Variants in PRELID2 observed in about 807,000 individuals in gnomAD.
The protein encoded by PRELID2 is PRELI domain-containing protein 2.
In PRELID2, 25 loss-of-function variants were observed where a neutral mutation model predicts 28.4. That is an observed-to-expected ratio of 0.88 (90% CI 0.64 to 1.23). PRELID2 has a LOEUF of 1.23. Ranked by LOEUF, PRELID2 falls within the 50% of genes most tolerant of loss-of-function variation. The pLI, the probability that PRELID2 is intolerant of heterozygous loss-of-function variation, is 0.00. For missense variants in PRELID2, 201 were observed against 214.4 expected, an observed-to-expected ratio of 0.94 and a Z score of 0.39; for synonymous variants, 76 against 71.6, an observed-to-expected ratio of 1.06 and a Z score of -0.31.
chr5:145,230,101 C>T, the PRELID2 span: 14 of 618,666 alleles, frequency 2.3e-5, no homozygotes, highest in African/African-American at 2.5e-4. Flanking sequence ...TGCAGATCCC[C>T]CAAGTACAGG....
chr5:145,403,053 C>G, the PRELID2 span, among the ~76,000 whole-genome samples: 2 of 152,274 alleles, frequency 1.3e-5, no homozygotes, highest in East Asian at 3.9e-4. Flanking sequence ...CCCACACATG[C>G]TCTTTTTAAT....
At chr5:145,825,832 T>G (rs1462247799) in intron 1 of PRELID2, among the ~76,000 whole-genome samples, 1 of 152,234 alleles carries the variant, frequency 6.6e-6, no homozygotes, top group Admixed American at 6.5e-5. Flanking sequence ...CTTTAAAGAT[T>G]TATTGAACTG....
chr5:145,695,314 G>A (rs1048114295), intron 1 of PRELID2, among the ~76,000 whole-genome samples: 4 of 152,266 alleles, frequency 2.6e-5, no homozygotes, highest in African/African-American at 4.8e-5. Context: ...AAGAACGTGC[G>A]CAAAAGCCCT....
At chr5:145,693,912 G>C (rs182756269) in intron 1 of PRELID2, among the ~76,000 whole-genome samples, 1 of 152,246 alleles carries the variant, frequency 6.6e-6, no homozygotes, top group Admixed American at 6.5e-5. Flanking sequence ...GATAGGGAGG[G>C]AGCAAATCAC....
At chr5:145,332,306 T>C in the PRELID2 span, among the ~76,000 whole-genome samples, 149 of 152,310 alleles carry the variant, frequency 9.8e-4, no homozygotes, top group African/African-American at 3.2e-3. Flanking sequence ...AATTTGAATG[T>C]TGGTCTGTCT....
intron 1 of PRELID2, among the ~76,000 whole-genome samples, chr5:145,601,305 T>C (rs1343974191): frequency 6.6e-6 from 1 of 152,044 alleles, no homozygotes; most frequent in Non-Finnish European, 1.5e-5. Flanking sequence ...TTGCTTAGCC[T>C]GAAATACAGA....
intron 1 of PRELID2, among the ~76,000 whole-genome samples, chr5:145,644,611 C>T (rs897802583): frequency 2.6e-5 from 4 of 151,848 alleles, no homozygotes; most frequent in Non-Finnish European, 4.4e-5. Context: ...GATGTTAGGG[C>T]GTCAATTTTA....
At chr5:145,625,342 T>A (rs75954821) in intron 1 of PRELID2, among the ~76,000 whole-genome samples, 10,763 of 152,070 alleles carry the variant, frequency 0.071, 584 homozygotes, top group Admixed American at 0.18. Context: ...ATAAATAAAT[T>A]ATTTACTACA....
chr5:145,688,071 C>T (rs1755070712), intron 1 of PRELID2, among the ~76,000 whole-genome samples: 1 of 152,182 alleles, frequency 6.6e-6, no homozygotes, highest in Admixed American at 6.5e-5. Flanking sequence ...TATGCAAGGG[C>T]TTGACAAGGT....
At chr5:145,433,900 A>T in the PRELID2 span, among the ~76,000 whole-genome samples, 1 of 152,128 alleles carries the variant, frequency 6.6e-6, no homozygotes, top group African/African-American at 2.4e-5. Context: ...CCCTATGTTG[A>T]ATTCTCTCCA....
chr5:145,267,074 T>C, the PRELID2 span, among the ~76,000 whole-genome samples: 2 of 152,128 alleles, frequency 1.3e-5, no homozygotes, highest in East Asian at 1.9e-4. Flanking sequence ...GGTCCCACAA[T>C]AGGCCATCTG....
chr5:145,487,514 T>TAGA (rs1476132395), intron 1 of PRELID2, among the ~76,000 whole-genome samples: 1 of 152,154 alleles, frequency 6.6e-6, no homozygotes, highest in Non-Finnish European at 1.5e-5. Context: ...TTCCAGTAGA[T>TAGA]AGAAGTATAT....
chr5:145,361,510 T>A, the PRELID2 span, among the ~76,000 whole-genome samples: 1 of 152,124 alleles, frequency 6.6e-6, no homozygotes, highest in African/African-American at 2.4e-5. Flanking sequence ...TGAGAATGCA[T>A]CCATTTAATC....
the PRELID2 span, among the ~76,000 whole-genome samples, chr5:145,430,632 T>C: frequency 6.6e-6 from 1 of 152,212 alleles, no homozygotes; most frequent in Non-Finnish European, 1.5e-5. Flanking sequence ...TTGTTTCTCA[T>C]GGTACCATTT....
At chr5:145,628,155 C>A (rs1473193660) in intron 1 of PRELID2, among the ~76,000 whole-genome samples, 1 of 151,888 alleles carries the variant, frequency 6.6e-6, no homozygotes, top group Non-Finnish European at 1.5e-5. Context: ...CTCTATAAGG[C>A]AATTAGGCAA....
the PRELID2 span, among the ~76,000 whole-genome samples, chr5:145,257,532 C>T: frequency 1.3e-5 from 2 of 152,020 alleles, no homozygotes; most frequent in Admixed American, 6.6e-5. Context: ...GCAATAAAGA[C>T]TCAAATTATA....
chr5:145,603,544 A>G lies in PRELID2; in HGVS notation n.71-130229T>C, dbSNP rs571855189. 4.6e-5 allele frequency among the ~76,000 whole-genome samples: 7 copies of G among 152,302 alleles called. No homozygotes were observed. The South Asian group carries it at 1.4e-3, about 32-fold the overall frequency. On this transcript the variant is annotated intron_variant and non_coding_transcript_variant, in intron 1 of 2. Transcript: ENST00000510259. ...GATAGTTCACCGCCAGAAGACTTAC[A>G]AAATAAGACAATTACCAAGGGTGAT...
intron 1 of PRELID2, among the ~76,000 whole-genome samples, chr5:145,481,517 C>A (rs1006116488): frequency 6.7e-6 from 1 of 149,086 alleles, no homozygotes; most frequent in Non-Finnish European, 1.5e-5. Context: ...TAATGGTACT[C>A]TAGAGAATTG....
intron 1 of PRELID2, among the ~76,000 whole-genome samples, chr5:145,639,740 A>G (rs1754066003): frequency 6.6e-6 from 1 of 152,260 alleles, no homozygotes; most frequent in Non-Finnish European, 1.5e-5. Flanking sequence ...CATTTTATAA[A>G]GAATTGAAAT....
Sources: gnomAD v4.1 joint callset for allele counts (sites outside exome capture counted in the v4.1 genomes callset) on GRCh38, gnomAD v4.1.1 for gene constraint, MANE v1.5 for transcripts, NCBI Gene and HGNC (gene_info 2026-07-23, HGNC 2026-07-21) for gene names.